The following GRID2 variants were observed in gnomAD, a reference collection of about 807,000 sequenced individuals.
The protein encoded by GRID2 is glutamate ionotropic receptor delta type subunit 2, also known as glutamate receptor ionotropic, delta-2.
GRID2 carries 33 observed loss-of-function variants against 114.8 expected under a neutral mutation model. The observed-to-expected ratio is 0.29, with a 90% CI of 0.22 to 0.38. The LOEUF (loss-of-function observed/expected upper bound fraction) is 0.38, where lower values mean the gene tolerates loss of function less well. GRID2 is among the 10% of genes least tolerant of loss of function. GRID2 has a pLI of 1.00. For synonymous variants in GRID2, 505 were observed against 449.9 expected, an observed-to-expected ratio of 1.12 and a Z score of -1.55; for missense variants, 1,184 against 1,257.7, an observed-to-expected ratio of 0.94 and a Z score of 0.89.
At chr4:93,043,559 A>G (rs1248508000) in intron 2 of GRID2, among the ~76,000 whole-genome samples, 1 of 152,202 alleles carries the variant, frequency 6.6e-6, no homozygotes, top group African/African-American at 2.4e-5. Flanking sequence ...TTTATTTCCG[A>G]AAGTGTGATA....
At chr4:92,623,860 A>G (rs1305016642) in intron 2 of GRID2, among the ~76,000 whole-genome samples, 1 of 151,782 alleles carries the variant, frequency 6.6e-6, no homozygotes, top group African/African-American at 2.4e-5. Flanking sequence ...ATTCTATAAG[A>G]TTATAATTTT....
intron 4 of GRID2, among the ~76,000 whole-genome samples, chr4:93,196,845 C>T (rs1741550061): frequency 6.6e-6 from 1 of 152,108 alleles, no homozygotes. Flanking sequence ...TAACAGATAA[C>T]TGTTTCTCTG....
intron 1 of GRID2, among the ~76,000 whole-genome samples, chr4:92,486,568 C>CAT (rs1722902518): frequency 6.6e-6 from 1 of 150,898 alleles, no homozygotes; most frequent in African/African-American, 2.4e-5. Flanking sequence ...CACACACACA[C>CAT]ACACACACAC....
chr4:93,657,332 G>C (rs1482778287), intron 14 of GRID2, among the ~76,000 whole-genome samples: 1 of 151,968 alleles, frequency 6.6e-6, no homozygotes, highest in Non-Finnish European at 1.5e-5. Flanking sequence ...TTAGGATACT[G>C]TACATATTTT....
intron 2 of GRID2, among the ~76,000 whole-genome samples, chr4:92,905,041 C>T (rs945043810): frequency 1.3e-5 from 2 of 151,998 alleles, no homozygotes; most frequent in African/African-American, 4.8e-5. Flanking sequence ...GAATACTGAG[C>T]TACTGATTAG....
At position 92,646,330 on chromosome 4, in the gene GRID2, A is replaced by G. The variant is rs572629342; in HGVS notation, c.244+56044A>G. 9.2e-5 allele frequency among the ~76,000 whole-genome samples: 14 copies of G among 152,312 alleles called. No individual in the cohort carries two copies. In the South Asian group the frequency reaches 1.4e-3, roughly 16 times the overall value. The stretch of plus-strand genomic sequence containing the variant: ...ATAATTTGTGGGTATTTTCAAAACT[A>G]TTTTCTAGATACAATTTCTTGTTCA... On this transcript the variant is annotated intron_variant, in intron 2 of 15. Transcript: ENST00000282020.
intron 2 of GRID2, among the ~76,000 whole-genome samples, chr4:92,706,577 G>T (rs73837325): frequency 1.3e-5 from 2 of 152,102 alleles, no homozygotes; most frequent in African/African-American, 4.8e-5. Context: ...TATATGTGGG[G>T]TAAATTTTGG....
At chr4:92,620,698 G>T (rs1022009790) in intron 2 of GRID2, among the ~76,000 whole-genome samples, 16 of 151,476 alleles carry the variant, frequency 1.1e-4, no homozygotes, top group African/African-American at 3.9e-4. Context: ...GGAAACAAAG[G>T]GAGCCAGATT....
chr4:92,611,619 T>A (rs1033527552), intron 2 of GRID2, among the ~76,000 whole-genome samples: 2 of 151,646 alleles, frequency 1.3e-5, no homozygotes, highest in Non-Finnish European at 3.0e-5. Flanking sequence ...GATACATTAA[T>A]GTTTACCTTC....
chr4:93,338,267 T>C (rs1759291877), intron 8 of GRID2, among the ~76,000 whole-genome samples: 1 of 152,194 alleles, frequency 6.6e-6, no homozygotes, highest in Non-Finnish European at 1.5e-5. Context: ...ATCACCGTTA[T>C]TGACAGTTTC....
intron 10 of GRID2, among the ~76,000 whole-genome samples, chr4:93,448,136 T>TA (rs1295293352): frequency 6.6e-6 from 1 of 151,650 alleles, no homozygotes; most frequent in Non-Finnish European, 1.5e-5. Context: ...AGAATGGTAT[T>TA]AAAAAATCAA....
At chr4:92,491,823 A>G (rs1361111357) in intron 1 of GRID2, among the ~76,000 whole-genome samples, 1 of 152,158 alleles carries the variant, frequency 6.6e-6, no homozygotes, top group African/African-American at 2.4e-5. Context: ...AAGCATTACC[A>G]TTTCTAAACA....
At chr4:92,902,994 T>C (rs1747688376) in intron 2 of GRID2, among the ~76,000 whole-genome samples, 1 of 152,062 alleles carries the variant, frequency 6.6e-6, no homozygotes, top group South Asian at 2.1e-4. Context: ...ATGTGATGCC[T>C]CTAGATTTTT....
intron 12 of GRID2, among the ~76,000 whole-genome samples, chr4:93,510,679 T>C (rs906152323): frequency 6.6e-6 from 1 of 152,076 alleles, no homozygotes; most frequent in African/African-American, 2.4e-5. Context: ...TTCAACAATA[T>C]TTATAAAGAA....
chr4:93,372,025 C>T (rs886216375), intron 8 of GRID2, among the ~76,000 whole-genome samples: 21 of 152,024 alleles, frequency 1.4e-4, no homozygotes, highest in Admixed American at 7.9e-4. Flanking sequence ...GGATTACAGG[C>T]GTGAGCCACT....
rs555578197 is a variant in GRID2, at chr4:92,832,700, T to C, written c.244+242414T>C. Among the ~76,000 whole-genome samples the C allele has an allele frequency of 1.4e-3, 212 of 152,126 alleles. 1 individual carries two copies. Among genetic ancestry groups the C allele is most frequent in the African/African-American group, 4.8e-3 (199 of 41,516 alleles). Reference sequence around the variant, plus strand: ...TGAAGCACCACACCTGGCCAGAGAATCTCTTGAACCCAGGAGGTGGAGGTT... The same window carrying C: ...TGAAGCACCACACCTGGCCAGAGAACCTCTTGAACCCAGGAGGTGGAGGTT... On this transcript the variant is annotated intron_variant, in intron 2 of 15. Coordinates refer to ENST00000282020, the MANE Select transcript of GRID2 (RefSeq NM_001510.4).
At chr4:93,562,701 A>C (rs1386677983) in intron 13 of GRID2, among the ~76,000 whole-genome samples, 1 of 152,114 alleles carries the variant, frequency 6.6e-6, no homozygotes, top group African/African-American at 2.4e-5. Flanking sequence ...TTATGAGTTA[A>C]ATTTTGTGAA....
At chr4:93,282,582 G>A (rs951661590) in intron 8 of GRID2, among the ~76,000 whole-genome samples, 4 of 151,956 alleles carry the variant, frequency 2.6e-5, no homozygotes, top group Non-Finnish European at 5.9e-5. Flanking sequence ...TGATAGCAGA[G>A]TCTTCATGAA....
chr4:92,893,828 T>C (rs1395152726), intron 2 of GRID2, among the ~76,000 whole-genome samples: 5 of 152,130 alleles, frequency 3.3e-5, no homozygotes, highest in African/African-American at 9.7e-5. Flanking sequence ...ATGCAGATAA[T>C]ATGTTTCGGG....
Sources: allele counts gnomAD v4.1 joint callset (sites outside exome capture counted in the v4.1 genomes callset), GRCh38; gene constraint gnomAD v4.1.1; transcripts MANE v1.5; gene names NCBI Gene and HGNC (gene_info 2026-07-23, HGNC 2026-07-21).